Variants in AADAT observed in about 807,000 individuals in gnomAD.
The protein encoded by AADAT is aminoadipate aminotransferase, also known as kynurenine/alpha-aminoadipate aminotransferase, mitochondrial.
In AADAT, 25 loss-of-function variants were observed where a neutral mutation model predicts 56.2. The ratio of observed to expected loss-of-function variants is 0.44; its 90% CI spans 0.32 to 0.62. The LOEUF (loss-of-function observed/expected upper bound fraction) is 0.62, where lower values mean the gene tolerates loss of function less well. Ranked by LOEUF, AADAT falls within the 20% of genes least tolerant of loss-of-function variation. The pLI, the probability that AADAT is intolerant of heterozygous loss-of-function variation, is 0.04. For synonymous variants in AADAT, 173 were observed against 164.7 expected (o/e 1.05, Z -0.39); for missense variants, 387 against 510.5 (o/e 0.76, Z 2.33).
At chr4:170,075,671 C>T (rs1290564854) in intron 4 of AADAT, among the ~76,000 whole-genome samples, 1 of 152,112 alleles carries the variant, frequency 6.6e-6, no homozygotes, top group Non-Finnish European at 1.5e-5. Context: ...TGTGTGCATC[C>T]ATCACCTCTG....
intron 3 of AADAT, among the ~76,000 whole-genome samples, chr4:170,085,545 T>C (rs918656570): frequency 6.6e-6 from 1 of 152,226 alleles, no homozygotes; most frequent in Admixed American, 6.5e-5. Flanking sequence ...TAGCAATCTA[T>C]GCTATCTTCC....
chr4:170,062,578 G>T (rs945822396), intron 11 of AADAT, among the ~76,000 whole-genome samples: 2 of 152,168 alleles, frequency 1.3e-5, no homozygotes, highest in African/African-American at 4.8e-5. Context: ...AGATGGGGTG[G>T]TCGGAACAGC....
Position 170,070,641 on chromosome 4 carries a change from T to C in AADAT, c.666A>G (p.Lys222=), listed in dbSNP as rs1731710679. The C allele has an allele frequency of 6.4e-7, 1 of 1,571,376 alleles. No individual in the cohort carries two copies. Among genetic ancestry groups the C allele is most frequent in the Middle Eastern group, 1.7e-4 (1 of 5,900 alleles). ...RKKEIYELAR[K]YDFLIIEDDP... ...CATCTTCTATTATGAGGAAATCATA[T>C]TTTCTTGCAAGCTAAAAAAGGTTGA... Residue 222 remains lysine (K), a synonymous_variant, in exon 6 of 13, where the codon AAA becomes AAG. Coordinates refer to ENST00000337664, the MANE Select transcript of AADAT (RefSeq NM_016228.4).
intron 3 of AADAT, among the ~76,000 whole-genome samples, chr4:170,082,480 C>G (rs1732365464): frequency 6.6e-6 from 1 of 151,886 alleles, no homozygotes; most frequent in Non-Finnish European, 1.5e-5. Context: ...GAGAAAATCA[C>G]TTAACCACAA....
At chr4:170,064,878 A>G (rs533187607) in intron 10 of AADAT, 53 bp from the exon 11 acceptor site, 2 of 1,495,544 alleles carry the variant, frequency 1.3e-6, no homozygotes, top group South Asian at 1.2e-5. Context: ...ATTTTTGATG[A>G]TATCAAAGTG....
upstream of AADAT, among the ~76,000 whole-genome samples, chr4:170,090,924 C>G (rs1329075880): frequency 1.3e-5 from 2 of 152,232 alleles, no homozygotes; most frequent in African/African-American, 4.8e-5. Flanking sequence ...CCAAATGGCT[C>G]TCTTTTAAGT....
chr4:170,066,385 T>G, intron 10 of AADAT, 29 bp downstream of exon 10: 1 of 1,595,068 alleles, frequency 6.3e-7, no homozygotes, highest in Non-Finnish European at 8.6e-7. Flanking sequence ...CTACTGTTTA[T>G]CATGAGGACG....
At chr4:170,065,489 G>A (rs1198951438) in intron 10 of AADAT, among the ~76,000 whole-genome samples, 1 of 151,264 alleles carries the variant, frequency 6.6e-6, no homozygotes, top group Non-Finnish European at 1.5e-5. Context: ...TAATGCTATT[G>A]TCAGAAAGAT....
chr4:170,064,380 G>T (rs1049790628), intron 11 of AADAT, among the ~76,000 whole-genome samples: 6 of 152,162 alleles, frequency 3.9e-5, no homozygotes, highest in African/African-American at 1.4e-4. Context: ...TACAGACAAA[G>T]CACAGAAAGG....
At chr4:170,070,461 A>G (rs950967266) in intron 6 of AADAT, 126 bp downstream of exon 6, 6 of 641,556 alleles carry the variant, frequency 9.4e-6, no homozygotes, top group African/African-American at 7.7e-5. Context: ...ATTAATCATA[A>G]TTGATTTATT....
chr4:170,071,403 A>T (rs1731755036), intron 5 of AADAT, among the ~76,000 whole-genome samples: 1 of 152,214 alleles, frequency 6.6e-6, no homozygotes, highest in Non-Finnish European at 1.5e-5. Flanking sequence ...ATGTGGGCAA[A>T]GGCCCCAGGA....
At chr4:170,081,930 A>G (rs1026589022) in intron 3 of AADAT, among the ~76,000 whole-genome samples, 16 of 152,216 alleles carry the variant, frequency 1.1e-4, no homozygotes. Flanking sequence ...TCCTTCAAAT[A>G]TGATGGAGAG....
At chr4:170,067,470 G>C (rs899569292) in intron 8 of AADAT, 82 bp from the exon 9 acceptor site, 1 of 1,053,268 alleles carries the variant, frequency 9.5e-7, no homozygotes, top group African/African-American at 1.6e-5. Flanking sequence ...ACTCACTTTT[G>C]ATTACATGTA....
chr4:170,089,794 G>T lies in AADAT; in HGVS notation c.-104C>A. On this transcript the variant is annotated 5_prime_UTR_variant, in exon 1 of 13. Transcript: ENST00000337664. ...CCTGCTAACTCCTCACTCTGGCAAC[G>T]CCACCGCGAGATGTGTCCCCCCGCT... 1 of 1,172,630 alleles carries T rather than the reference G, an allele frequency of 8.5e-7. No individual in the cohort carries two copies. The highest frequency in any genetic ancestry group is 1.2e-6 in the Non-Finnish European group (1 of 811,060). The allele number at this position is 1,172,630 out of a possible 1,614,324, so 72.6% of individuals were successfully genotyped here. A position where few individuals can be genotyped will look rare whatever the true frequency, so the allele number is the denominator to read the frequency against.
At position 170,073,363 on chromosome 4, in the gene AADAT, A is replaced by T; in HGVS notation, c.445-18T>A. The T allele has an allele frequency of 1.2e-6, 2 of 1,607,918 alleles. No individual in the cohort carries two copies. The highest frequency in any genetic ancestry group is 8.5e-7 in the Non-Finnish European group (1 of 1,177,078). ...GGGTGCAGCTGTTGAGCACAAAAGA[A>T]AGCCTGAGTCAGTCATGATTACAAA... On this transcript the variant is annotated intron_variant, in intron 4 of 12. Transcript: ENST00000337664.
chr4:170,094,054 T>G (rs1421694842), upstream of AADAT, among the ~76,000 whole-genome samples: 3 of 152,256 alleles, frequency 2.0e-5, no homozygotes, highest in Non-Finnish European at 4.4e-5. Context: ...CTGAATTTTC[T>G]ATTTGGCCTG....
At chr4:170,064,668 A>C in intron 11 of AADAT, 51 bp downstream of exon 11, 1 of 1,432,832 alleles carries the variant, frequency 7.0e-7, no homozygotes, top group East Asian at 2.4e-5. Flanking sequence ...ATATTAAAGA[A>C]AAAGTATAAC....
At chr4:170,086,412 C>T (rs1437951539) in intron 3 of AADAT, among the ~76,000 whole-genome samples, 1 of 151,568 alleles carries the variant, frequency 6.6e-6, no homozygotes, top group East Asian at 1.9e-4. Flanking sequence ...GAGAGAGAAC[C>T]AATCCATATA....
At chr4:170,071,197 G>C (rs1198283206) in intron 5 of AADAT, among the ~76,000 whole-genome samples, 2 of 152,260 alleles carry the variant, frequency 1.3e-5, no homozygotes, top group African/African-American at 4.8e-5. Flanking sequence ...ACAGGCGTGA[G>C]CCACTGCGCC....
Sources: allele counts gnomAD v4.1 joint callset (sites outside exome capture counted in the v4.1 genomes callset), GRCh38; gene constraint gnomAD v4.1.1; transcripts MANE v1.5; gene names NCBI Gene and HGNC (gene_info 2026-07-23, HGNC 2026-07-21).